Variants in PTPRO observed in about 807,000 individuals in gnomAD.
The protein encoded by PTPRO is protein tyrosine phosphatase receptor type O.
A neutral mutation model predicts 145.2 loss-of-function variants in PTPRO; 62 were observed. That is an observed-to-expected ratio of 0.43 (90% confidence interval 0.35 to 0.53). The LOEUF is 0.53. Among genes scored for constraint, PTPRO ranks in the 20% least tolerant of loss-of-function variants. The pLI, the probability that PTPRO is intolerant of heterozygous loss-of-function variation, is 0.01. For missense variants in PTPRO, 1,345 were observed against 1,482.7 expected, an observed-to-expected ratio of 0.91 and a Z score of 1.53; for synonymous variants, 565 against 514.7, an observed-to-expected ratio of 1.10 and a Z score of -1.32.
chr12:15,484,473 C>A (rs939205710), intron 2 of PTPRO, among the ~76,000 whole-genome samples: 2 of 151,960 alleles, frequency 1.3e-5, no homozygotes, highest in Non-Finnish European at 2.9e-5. Context: ...AAGTAAACCT[C>A]AATGATGTAG....
At chr12:15,369,206 G>A (rs191033983) in intron 1 of PTPRO, among the ~76,000 whole-genome samples, 1 of 152,254 alleles carries the variant, frequency 6.6e-6, no homozygotes, top group East Asian at 1.9e-4. Flanking sequence ...CACATAATCT[G>A]GAACAAGAAG....
chr12:15,349,974 G>A (rs1937745609), intron 1 of PTPRO, among the ~76,000 whole-genome samples: 3 of 152,124 alleles, frequency 2.0e-5, no homozygotes, highest in African/African-American at 4.8e-5. Flanking sequence ...GTTAAGCTTC[G>A]GATGAATTTA....
intron 24 of PTPRO, among the ~76,000 whole-genome samples, chr12:15,587,714 T>C (rs1331308052): frequency 6.6e-6 from 1 of 152,222 alleles, no homozygotes; most frequent in Non-Finnish European, 1.5e-5. Context: ...CAGAGCTCCA[T>C]CAAAATCTAT....
chr12:15,492,599 A>T (rs1051585808), intron 2 of PTPRO, among the ~76,000 whole-genome samples: 2 of 152,070 alleles, frequency 1.3e-5, no homozygotes, highest in Admixed American at 6.6e-5. Flanking sequence ...ATAAATTAAA[A>T]TTTTTATAAA....
At chr12:15,377,077 G>A (rs537209963) in intron 1 of PTPRO, among the ~76,000 whole-genome samples, 71 of 152,184 alleles carry the variant, frequency 4.7e-4, no homozygotes, top group African/African-American at 1.6e-3. Context: ...AGAGAGTAGA[G>A]CTATACTGGA....
intron 20 of PTPRO, among the ~76,000 whole-genome samples, chr12:15,579,313 C>T (rs181249682): frequency 6.6e-6 from 1 of 152,286 alleles, no homozygotes; most frequent in Non-Finnish European, 1.5e-5. Context: ...ATTAAAATGC[C>T]TTCTCTAACT....
chr12:15,554,123 C>T (rs939118832), intron 15 of PTPRO, among the ~76,000 whole-genome samples: 5 of 152,038 alleles, frequency 3.3e-5, no homozygotes, highest in African/African-American at 4.8e-5. Context: ...TGCGATGAGC[C>T]GAGATTGCGC....
At chr12:15,443,658 C>T (rs967174575) in intron 1 of PTPRO, among the ~76,000 whole-genome samples, 1 of 151,942 alleles carries the variant, frequency 6.6e-6, no homozygotes. Flanking sequence ...AAGCAAAAAA[C>T]AAATAATCCC....
At chr12:15,352,133 C>G (rs1937823682) in intron 1 of PTPRO, among the ~76,000 whole-genome samples, 1 of 152,204 alleles carries the variant, frequency 6.6e-6, no homozygotes, top group East Asian at 1.9e-4. Context: ...CTGATGGAGT[C>G]TGCGCCCAGC....
At chr12:15,516,695 G>A in intron 8 of PTPRO, 68 bp from the exon 9 acceptor site, 1 of 1,403,612 alleles carries the variant, frequency 7.1e-7, no homozygotes, top group South Asian at 1.2e-5. Flanking sequence ...TTAAGTAGAA[G>A]TTTGAGGCCA....
intron 1 of PTPRO, among the ~76,000 whole-genome samples, chr12:15,421,949 A>G (rs569830247): frequency 6.6e-5 from 10 of 152,168 alleles, no homozygotes; most frequent in Non-Finnish European, 1.3e-4. Context: ...TACCTGATAC[A>G]TGAAAAGAAT....
At chr12:15,404,057 G>A (rs965622951) in intron 1 of PTPRO, among the ~76,000 whole-genome samples, 10 of 151,876 alleles carry the variant, frequency 6.6e-5, no homozygotes, top group East Asian at 1.9e-4. Flanking sequence ...ATAGCCGGGC[G>A]TGGTGGCGGG....
intron 8 of PTPRO, among the ~76,000 whole-genome samples, chr12:15,515,949 GTTTGTTTTT>G (rs1424563989): frequency 3.4e-5 from 4 of 116,142 alleles, no homozygotes; most frequent in Admixed American, 2.5e-4. Context: ...CCCAGAAGTT[GTTTGTTTTT>G]TTTGTTTTGT....
chr12:15,342,313 GTTGT>G (rs1867022172), intron 1 of PTPRO, among the ~76,000 whole-genome samples: 2 of 151,930 alleles, frequency 1.3e-5, no homozygotes, highest in Non-Finnish European at 2.9e-5. Context: ...ATTAAAAATT[GTTGT>G]TTATCTAATT....
At chr12:15,456,883 T>A (rs925329651) in intron 1 of PTPRO, among the ~76,000 whole-genome samples, 1 of 152,210 alleles carries the variant, frequency 6.6e-6, no homozygotes, top group Non-Finnish European at 1.5e-5. Flanking sequence ...TATACTAATA[T>A]CTTGTTAATC....
chr12:15,551,937 A>G (rs1943472445), intron 15 of PTPRO, among the ~76,000 whole-genome samples: 1 of 151,932 alleles, frequency 6.6e-6, no homozygotes, highest in African/African-American at 2.4e-5. Flanking sequence ...TAGCCCATAT[A>G]TGGAGATCCA....
intron 1 of PTPRO, among the ~76,000 whole-genome samples, chr12:15,414,710 T>G (rs1459197886): frequency 1.3e-5 from 2 of 152,204 alleles, no homozygotes; most frequent in East Asian, 3.8e-4. Flanking sequence ...TCCTTCACAC[T>G]TACCTTGGCC....
chr12:15,471,529 A>T (rs1488507764), intron 1 of PTPRO, among the ~76,000 whole-genome samples: 1 of 152,212 alleles, frequency 6.6e-6, no homozygotes, highest in African/African-American at 2.4e-5. Flanking sequence ...GCATTTAAGA[A>T]CCTGCCATAT....
At chr12:15,520,152 G>C (rs764265121) in intron 9 of PTPRO, 49 bp from the exon 10 acceptor site, 2 of 1,262,060 alleles carry the variant, frequency 1.6e-6, no homozygotes, top group Non-Finnish European at 2.3e-6. Flanking sequence ...TCCAAAAATA[G>C]TACTTTCTCC....
Sources: gnomAD v4.1 joint callset for allele counts (sites outside exome capture counted in the v4.1 genomes callset) on GRCh38, gnomAD v4.1.1 for gene constraint, MANE v1.5 for transcripts, NCBI Gene and HGNC (gene_info 2026-07-23, HGNC 2026-07-21) for gene names.